The following IL3RA variants were observed in gnomAD, a reference collection of about 807,000 sequenced individuals.
IL3RA encodes interleukin 3 receptor subunit alpha.
In IL3RA, 73 loss-of-function variants were observed where a neutral mutation model predicts 52.3. That is an observed-to-expected ratio of 1.40 (90% CI 1.16 to 1.70). The LOEUF (loss-of-function observed/expected upper bound fraction) is 1.70, where lower values mean the gene tolerates loss of function less well. Ranked by LOEUF, IL3RA falls within the 40% of genes most tolerant of loss-of-function variation. The probability of loss-of-function intolerance (pLI) is 0.00; values close to 1 mark genes in which losing one functional copy is unlikely to be tolerated. For synonymous variants in IL3RA, 260 were observed against 194.0 expected (o/e 1.34, Z -2.83); for missense variants, 664 against 504.4 (o/e 1.32, Z -3.03).
intron 4 of IL3RA, among the ~76,000 whole-genome samples, chrX:1,349,220 C>T (rs1269324788): frequency 2.0e-5 from 3 of 148,724 alleles, no homozygotes; most frequent in Admixed American, 6.7e-5. Flanking sequence ...CTCACTCTGT[C>T]CACCAGGCTG....
chrX:1,361,484 A>G (rs1428174798), intron 8 of IL3RA, among the ~76,000 whole-genome samples: 1 of 152,010 alleles, frequency 6.6e-6, no homozygotes, highest in Non-Finnish European at 1.5e-5. Context: ...GGGCGCAGTG[A>G]CTCATGCCTG....
At chrX:1,378,020 T>C (rs1329386947) in intron 9 of IL3RA, among the ~76,000 whole-genome samples, 2 of 150,808 alleles carry the variant, frequency 1.3e-5, no homozygotes, top group Non-Finnish European at 3.0e-5. Context: ...ACCCCATCTC[T>C]ATGAGAAATA....
chrX:1,357,026 C>T (rs1306353709), intron 7 of IL3RA, among the ~76,000 whole-genome samples: 3 of 151,706 alleles, frequency 2.0e-5, no homozygotes, highest in Non-Finnish European at 4.4e-5. Flanking sequence ...AATCTTGACT[C>T]ACTGCAACCT....
At chrX:1,358,282 AC>A (rs1463993589) in intron 7 of IL3RA, among the ~76,000 whole-genome samples, 1 of 152,064 alleles carries the variant, frequency 6.6e-6, no homozygotes, top group Non-Finnish European at 1.5e-5. Flanking sequence ...GCATCTGGAC[AC>A]AGTCTGGGAG....
chrX:1,343,412 C>G (rs1255968793), intron 2 of IL3RA, among the ~76,000 whole-genome samples: 1 of 151,898 alleles, frequency 6.6e-6, no homozygotes, highest in Non-Finnish European at 1.5e-5. Flanking sequence ...CGTCTGTAAT[C>G]CCAGCACTTT....
chrX:1,378,538 C>A (rs1457191617), intron 9 of IL3RA, 121 bp from the exon 10 acceptor site: 1 of 818,168 alleles, frequency 1.2e-6, no homozygotes, highest in Non-Finnish European at 2.0e-6. Flanking sequence ...GGTGTCCCCC[C>A]CTGGACGCCA....
chrX:1,342,556 CTTCT>C (rs781454829), intron 2 of IL3RA, among the ~76,000 whole-genome samples: 1 of 115,840 alleles, frequency 8.6e-6, no homozygotes, highest in Admixed American at 8.7e-5. Flanking sequence ...CATTCTTTAA[CTTCT>C]TTTTTTTTTT....
intron 10 of IL3RA, among the ~76,000 whole-genome samples, chrX:1,380,742 A>G (rs2089139321): frequency 6.6e-6 from 1 of 150,814 alleles, no homozygotes; most frequent in Non-Finnish European, 1.5e-5. Flanking sequence ...CTCAGGTCGT[A>G]AACTCAGTGA....
chrX:1,359,772 C>T (rs2087040334), intron 8 of IL3RA, among the ~76,000 whole-genome samples: 1 of 148,116 alleles, frequency 6.8e-6, no homozygotes, highest in South Asian at 2.2e-4. Flanking sequence ...CTCCCTCTCT[C>T]ATTCTCCCTC....
chrX:1,378,610 C>G (rs751108045), intron 9 of IL3RA, 49 bp from the exon 10 acceptor site: 3 of 1,493,964 alleles, frequency 2.0e-6, no homozygotes, highest in African/African-American at 1.4e-5. Context: ...AGTCCCTGGT[C>G]CCCCCAGGAC....
intron 8 of IL3RA, among the ~76,000 whole-genome samples, chrX:1,361,187 C>G (rs1292370502): frequency 1.2e-5 from 1 of 81,182 alleles, no homozygotes; most frequent in African/African-American, 6.0e-5. Flanking sequence ...CTTCCCCTCT[C>G]TCTCTCTCCA....
chrX:1,355,772 G>A (rs1431700098), intron 6 of IL3RA, among the ~76,000 whole-genome samples: 13 of 151,924 alleles, frequency 8.6e-5, no homozygotes, highest in African/African-American at 1.5e-4. Flanking sequence ...GGCCTCCAAG[G>A]CTCCAGTGTG....
intron 3 of IL3RA, 123 bp from the exon 4 acceptor site, chrX:1,348,308 A>C (rs17886012): frequency 2.3e-5 from 17 of 742,464 alleles, no homozygotes; most frequent in African/African-American, 1.4e-4. Flanking sequence ...AGCCGAGATC[A>C]CGCCACTGCA....
At chrX:1,362,268 C>T (rs2087486102) in intron 8 of IL3RA, among the ~76,000 whole-genome samples, 1 of 151,486 alleles carries the variant, frequency 6.6e-6, no homozygotes, top group Admixed American at 6.6e-5. Flanking sequence ...GTTTTTCTGT[C>T]TCTTTTTCTC....
chrX:1,368,468 C>T (rs1260193996), intron 9 of IL3RA, among the ~76,000 whole-genome samples: 2 of 152,060 alleles, frequency 1.3e-5, no homozygotes, highest in Non-Finnish European at 2.9e-5. Flanking sequence ...AGCCTGTAAC[C>T]TCAGCTACCA....
intron 9 of IL3RA, among the ~76,000 whole-genome samples, chrX:1,377,972 G>C (rs1413305460): frequency 6.6e-6 from 1 of 151,060 alleles, no homozygotes; most frequent in Admixed American, 6.6e-5. Context: ...GATCACTTGA[G>C]GTCAGGAGTT....
At chrX:1,380,883 C>T (rs1347347106) in intron 10 of IL3RA, 140 bp from the exon 11 acceptor site, 68 of 728,164 alleles carry the variant, frequency 9.3e-5, no homozygotes, top group South Asian at 2.1e-4. Context: ...CCTCAGGGGC[C>T]GGGAAAATAG....
chrX:1,382,013 C>T (rs1179276405), intron 11 of IL3RA, among the ~76,000 whole-genome samples: 12 of 150,130 alleles, frequency 8.0e-5, no homozygotes, highest in Non-Finnish European at 1.2e-4. Flanking sequence ...GGTGCAATCT[C>T]GGCTCACTGC....
chrX:1,337,037 C>T (rs1458451788), intron 1 of IL3RA, 111 bp downstream of exon 1: 1 of 152,210 alleles, frequency 6.6e-6, no homozygotes, highest in Non-Finnish European at 1.5e-5. Context: ...TGGCATGTAA[C>T]AGGTTTCTGC....
Sources: gnomAD v4.1 joint callset for allele counts (sites outside exome capture counted in the v4.1 genomes callset) on GRCh38, gnomAD v4.1.1 for gene constraint, MANE v1.5 for transcripts, NCBI Gene and HGNC (gene_info 2026-07-23, HGNC 2026-07-21) for gene names.